Variants in NFIB observed in about 807,000 individuals in gnomAD.
The protein encoded by NFIB is nuclear factor I B, also known as nuclear factor 1 B-type.
NFIB carries 11 observed loss-of-function variants against 61.5 expected under a neutral mutation model. The observed-to-expected ratio is 0.18, with a 90% CI of 0.11 to 0.30. The LOEUF (loss-of-function observed/expected upper bound fraction) is 0.30. Ranked by LOEUF, NFIB falls within the 10% of genes least tolerant of loss-of-function variation. NFIB has a pLI of 1.00. For synonymous variants in NFIB, 260 were observed against 216.5 expected, an observed-to-expected ratio of 1.20 and a Z score of -1.76; for missense variants, 471 against 608.9, an observed-to-expected ratio of 0.77 and a Z score of 2.38.
chr9:14,361,834 TA>T (rs2061244864), intron 1 of NFIB: 1 of 152,228 alleles, frequency 6.6e-6, no homozygotes, highest in African/African-American at 2.4e-5. Flanking sequence ...AGACTCAATG[TA>T]AATGTTTATA....
chr9:14,509,676 G>A, the NFIB span, among the ~76,000 whole-genome samples: 1 of 152,124 alleles, frequency 6.6e-6, no homozygotes, highest in South Asian at 2.1e-4. Context: ...TCTGTCAGAA[G>A]GGCCAGGGAA....
chr9:14,438,155 C>T, the NFIB span, among the ~76,000 whole-genome samples: 10 of 152,240 alleles, frequency 6.6e-5, no homozygotes, highest in African/African-American at 1.7e-4. Flanking sequence ...GGACAAATCT[C>T]GTGCTTGTAA....
chr9:14,245,647 T>C (rs982969271), intron 2 of NFIB, among the ~76,000 whole-genome samples: 1 of 151,974 alleles, frequency 6.6e-6, no homozygotes, highest in Admixed American at 6.6e-5. Flanking sequence ...CAAAGGCAGG[T>C]GGATTACTTG....
intron 3 of NFIB, among the ~76,000 whole-genome samples, chr9:14,165,420 CAA>C (rs1400979737): frequency 6.6e-6 from 1 of 152,068 alleles, no homozygotes; most frequent in African/African-American, 2.4e-5. Flanking sequence ...TTGAATACAG[CAA>C]TATTATCAAA....
chr9:14,530,932 G>C, the NFIB span, among the ~76,000 whole-genome samples: 1 of 152,104 alleles, frequency 6.6e-6, no homozygotes, highest in African/African-American at 2.4e-5. Flanking sequence ...AAGAAAATGA[G>C]AAAAGAAAGT....
intron 2 of NFIB, among the ~76,000 whole-genome samples, chr9:14,194,469 G>C (rs933912565): frequency 2.0e-5 from 3 of 152,092 alleles, no homozygotes; most frequent in Non-Finnish European, 4.4e-5. Context: ...CCTAAAGCCA[G>C]ATAGGAAAAC....
At chr9:14,288,669 T>G (rs1029244185) in intron 2 of NFIB, among the ~76,000 whole-genome samples, 1 of 152,096 alleles carries the variant, frequency 6.6e-6, no homozygotes, top group Non-Finnish European at 1.5e-5. Flanking sequence ...TCTAACTATA[T>G]ATAGTAGTTG....
At chr9:14,257,742 C>T (rs529883515) in intron 2 of NFIB, among the ~76,000 whole-genome samples, 30 of 151,906 alleles carry the variant, frequency 2.0e-4, no homozygotes, top group African/African-American at 6.8e-4. Flanking sequence ...AGCGACAGAG[C>T]GAGACTCCAT....
the NFIB span, among the ~76,000 whole-genome samples, chr9:14,526,245 T>A: frequency 6.6e-6 from 1 of 151,990 alleles, no homozygotes; most frequent in Non-Finnish European, 1.5e-5. Flanking sequence ...GGTGCTGGGG[T>A]AAAATTAATG....
the NFIB span, among the ~76,000 whole-genome samples, chr9:14,504,597 T>G: frequency 6.6e-6 from 1 of 152,196 alleles, no homozygotes; most frequent in Non-Finnish European, 1.5e-5. Flanking sequence ...GCAGCTATTA[T>G]TAAAGGGGTT....
At position 14,229,927 on chromosome 9, in the gene NFIB, G is replaced by A. The variant is rs372692134; in HGVS notation, c.563-50147C>T. Among the ~76,000 whole-genome samples the A allele has an allele frequency of 3.9e-4, 59 of 152,214 alleles. 1 individual carries two copies. The highest frequency in any genetic ancestry group is 1.8e-3 in the Admixed American group (28 of 15,296). ...AGCGCTTCTCCTGCCTCAGCCTCCC[G>A]AGTAGTGGAATTACAGGCATATGCC... On this transcript the variant is annotated intron_variant, in intron 2 of 10. Transcript: ENST00000380953.
In NFIB at chr9:14,115,509, G is replaced by T. The variant is rs570798170; in HGVS notation, c.1384+699C>A. The stretch of plus-strand genomic sequence containing the variant: ...AACAAAGGAATGATGCGGCTTATTG[G>T]TACGTGTTAGGAAGGTTCACTGGCT... On this transcript the variant is annotated intron_variant, in intron 9 of 10. Transcript: ENST00000380953. Among the ~76,000 whole-genome samples the T allele has an allele frequency of 9.2e-5, 14 of 152,138 alleles. No homozygotes were observed. The South Asian group carries it at 2.9e-3, about 32-fold the overall frequency.
Position 14,169,077 on chromosome 9 carries a change from A to G in NFIB, c.616+10650T>C, listed in dbSNP as rs151190338. Reference sequence around the variant, plus strand: ...ACTGCTCTGCTTAGAAAGTACTTCAATTCAGAAAATGACAGCAGTCCAAAA... The same window carrying G: ...ACTGCTCTGCTTAGAAAGTACTTCAGTTCAGAAAATGACAGCAGTCCAAAA... On this transcript the variant is annotated intron_variant, in intron 3 of 10. Coordinates refer to ENST00000380953, the MANE Select transcript of NFIB (RefSeq NM_001190737.2). Among the ~76,000 whole-genome samples, 520 of 152,322 alleles carry G rather than the reference A, an allele frequency of 3.4e-3. 3 individuals carry two copies. Among genetic ancestry groups the G allele is most frequent in the Non-Finnish European group, 4.3e-3 (294 of 68,034 alleles).
intron 2 of NFIB, among the ~76,000 whole-genome samples, chr9:14,287,476 C>T (rs1385861630): frequency 2.6e-5 from 4 of 151,824 alleles, no homozygotes; most frequent in Non-Finnish European, 2.9e-5. Context: ...CAGGCCGCAG[C>T]GCAATGGCGC....
intron 8 of NFIB, among the ~76,000 whole-genome samples, chr9:14,117,680 A>G (rs576216): frequency 0.26 from 40,089 of 152,086 alleles, 6,188 homozygotes; most frequent in African/African-American, 0.43. Flanking sequence ...GACTTCCTGA[A>G]TATCCTGATT....
the NFIB span, among the ~76,000 whole-genome samples, chr9:14,499,509 C>T: frequency 6.6e-6 from 1 of 152,170 alleles, no homozygotes; most frequent in Non-Finnish European, 1.5e-5. Context: ...TCAATGAATA[C>T]TGACTGGTCC....
chr9:14,489,486 C>T, the NFIB span, among the ~76,000 whole-genome samples: 2 of 152,080 alleles, frequency 1.3e-5, no homozygotes, highest in African/African-American at 4.8e-5. Flanking sequence ...TCTTTGTATT[C>T]ACTCATTTTT....
At chr9:14,185,282 T>A (rs556292536) in intron 2 of NFIB, among the ~76,000 whole-genome samples, 71 of 152,280 alleles carry the variant, frequency 4.7e-4, no homozygotes, top group Middle Eastern at 3.4e-3. Context: ...ATTTCCCACC[T>A]TTCTAAGACA....
At chr9:14,131,622 T>C (rs765932637) in intron 6 of NFIB, among the ~76,000 whole-genome samples, 3 of 152,222 alleles carry the variant, frequency 2.0e-5, no homozygotes, top group Admixed American at 1.3e-4. Flanking sequence ...TCAATTCTAA[T>C]GTGATAAAAT....
Sources: allele counts gnomAD v4.1 joint callset (sites outside exome capture counted in the v4.1 genomes callset), GRCh38; gene constraint gnomAD v4.1.1; transcripts MANE v1.5; gene names NCBI Gene and HGNC (gene_info 2026-07-23, HGNC 2026-07-21).